HERC6: variants seen among roughly 807,000 people sequenced by gnomAD.
HERC6 encodes the protein probable E3 ubiquitin-protein ligase HERC6.
In HERC6, 101 loss-of-function variants were observed where a neutral mutation model predicts 114.5. That is an observed-to-expected ratio of 0.88 (90% confidence interval 0.75 to 1.04). The LOEUF is 1.04. Among genes scored for constraint, HERC6 ranks in the 50% least tolerant of loss-of-function variants. HERC6 has a pLI of 0.00. For missense variants in HERC6, 1,133 were observed against 1,230.9 expected, an observed-to-expected ratio of 0.92 and a Z score of 1.19; for synonymous variants, 408 against 436.2, an observed-to-expected ratio of 0.94 and a Z score of 0.81.
chr4:88,441,982 T>C (rs920504887), intron 22 of HERC6, among the ~76,000 whole-genome samples: 3 of 152,310 alleles, frequency 2.0e-5, no homozygotes, highest in Non-Finnish European at 2.9e-5. Flanking sequence ...TCATTCTTCC[T>C]AGATGAGCTA....
At chr4:88,408,704 T>A in intron 11 of HERC6, 87 bp downstream of exon 11, 1 of 892,392 alleles carries the variant, frequency 1.1e-6, no homozygotes, top group Non-Finnish European at 1.8e-6. Context: ...GAACTATGAT[T>A]GTAATTGCCC....
At chr4:88,380,689 C>A (rs1734272144) in intron 1 of HERC6, among the ~76,000 whole-genome samples, 1 of 149,682 alleles carries the variant, frequency 6.7e-6, no homozygotes, top group Admixed American at 6.7e-5. Context: ...TGCACTCCAG[C>A]CTGGCAACAG....
At chr4:88,383,057 C>T in intron 1 of HERC6, 164 bp from the exon 2 acceptor site, 1 of 781,262 alleles carries the variant, frequency 1.3e-6, no homozygotes, top group Non-Finnish European at 2.0e-6. Context: ...AATTTACTTC[C>T]TTCAGACATT....
rs765782032 is a variant in HERC6 at position 88,437,720 on chromosome 4, G to C, written c.2494G>C (p.Asp832His). 6.2e-7 allele frequency: 1 copy of C among 1,601,778 alleles called. No individual in the cohort carries two copies. Among genetic ancestry groups the C allele is most frequent in the Non-Finnish European group, 8.5e-7 (1 of 1,173,056 alleles). The part of the protein sequence containing the change: ...ALCIRFSIHW[D>H]QNDVDLIPNG... ...TACATTTTGGTTACAGATACACTGGGACCAAAATGATGTTGACTTAATTCC... is the reference window on the plus strand; with the variant it reads ...TACATTTTGGTTACAGATACACTGGCACCAAAATGATGTTGACTTAATTCC... Residue 832 changes from aspartate (D) to histidine (H), a missense_variant, in exon 20 of 23, where the codon GAC (aspartate) becomes CAC (histidine). Asp to His is a moderately conservative substitution (Grantham distance 81, BLOSUM62 -1). Coordinates refer to ENST00000264346, the MANE Select transcript of HERC6 (RefSeq NM_017912.4).
intron 10 of HERC6, among the ~76,000 whole-genome samples, chr4:88,407,768 T>G (rs1462046153): frequency 6.6e-6 from 1 of 152,164 alleles, no homozygotes. Flanking sequence ...TGCTGGCCTC[T>G]CAAATATCAC....
chr4:88,388,376 C>A (rs1024776305), intron 3 of HERC6, among the ~76,000 whole-genome samples: 1 of 151,962 alleles, frequency 6.6e-6, no homozygotes, highest in Non-Finnish European at 1.5e-5. Context: ...CATGAGGAAA[C>A]CCCGTCTCTA....
Position 88,378,861 on chromosome 4 carries a change from C to A in HERC6, c.-61C>A. ...CATCGCGCACCCAGTCACCAGCGTT[C>A]GGGAGCCTGTCGCAGCGGGACCGAC... On this transcript the variant is annotated 5_prime_UTR_variant, in exon 1 of 23. Transcript: ENST00000264346. 1 of 1,454,392 alleles carries A rather than the reference C, an allele frequency of 6.9e-7. No homozygotes were observed. The highest frequency in any genetic ancestry group is 9.2e-7 in the Non-Finnish European group (1 of 1,084,746). The allele number at this position is 1,454,392 out of a possible 1,614,324, so 90.1% of individuals were successfully genotyped here.
rs549285326 is a variant in HERC6 at position 88,441,024 on chromosome 4, T to C, written c.2842+774T>C. Among the ~76,000 whole-genome samples, 4 of 152,234 alleles carry C rather than the reference T, an allele frequency of 2.6e-5. No homozygotes were observed. The South Asian group carries it at 8.3e-4, about 32-fold the overall frequency. ...GGCTCCCTACCTTCTAGACCAGCAT[T>C]CTTTCTCTTACTCAAGCCTGTTTCT... On this transcript the variant is annotated intron_variant, in intron 22 of 22. Coordinates refer to ENST00000264346, the MANE Select transcript of HERC6 (RefSeq NM_017912.4).
At chr4:88,440,424 G>C (rs577641288) in intron 22 of HERC6, 174 bp downstream of exon 22, 1 of 555,018 alleles carries the variant, frequency 1.8e-6, no homozygotes, top group South Asian at 2.6e-5. Flanking sequence ...GAGGTATAGA[G>C]CAGAAACTTA....
chr4:88,412,705 G>A (rs992519589), intron 11 of HERC6, among the ~76,000 whole-genome samples: 1 of 152,222 alleles, frequency 6.6e-6, no homozygotes, highest in African/African-American at 2.4e-5. Flanking sequence ...TGGATATTGT[G>A]TGAGGGGAAG....
chr4:88,385,591 TG>T lies in HERC6; in HGVS notation c.436+18del. The T allele has an allele frequency of 7.3e-7, 1 of 1,368,122 alleles. No individual in the cohort carries two copies. Among genetic ancestry groups the T allele is most frequent in the Non-Finnish European group, 9.9e-7 (1 of 1,009,508 alleles). 84.7% of individuals were successfully genotyped at this position (1,368,122 alleles called of 1,614,324 possible). On this transcript the variant is annotated intron_variant, in intron 3 of 22. Transcript: ENST00000264346. Reference sequence around the variant, plus strand: ...TTATCAAAAGGTAAGAAACACTTTTTGGATCTGAGTGTGAGTAGGAAGTAAT... The same window carrying T: ...TTATCAAAAGGTAAGAAACACTTTTTGATCTGAGTGTGAGTAGGAAGTAAT...
chr4:88,413,306 GTC>G (rs1310749140), intron 12 of HERC6, 40 bp downstream of exon 12: 1 of 1,487,172 alleles, frequency 6.7e-7, no homozygotes, highest in East Asian at 2.3e-5. Context: ...TCAATATAGA[GTC>G]ACTCTCTGAA....
At chr4:88,409,969 A>T (rs1205117320) in intron 11 of HERC6, among the ~76,000 whole-genome samples, 2 of 152,192 alleles carry the variant, frequency 1.3e-5, no homozygotes, top group African/African-American at 4.8e-5. Flanking sequence ...GTCCAAGACC[A>T]AGGCACCATC....
At chr4:88,437,856 G>C in intron 20 of HERC6, 75 bp downstream of exon 20, 1 of 1,084,066 alleles carries the variant, frequency 9.2e-7, no homozygotes, top group Non-Finnish European at 1.4e-6. Context: ...CTTTTAAAAT[G>C]TATTTTTAAA....
Position 88,417,446 on chromosome 4 carries a change from A to G in HERC6, c.1580A>G (p.Gln527Arg). Residue 527 changes from glutamine to arginine, a missense_variant, in exon 13 of 23, where the codon CAA becomes CGA. Transcript: ENST00000264346. ...CCAGAGAAGTGTTGGGCATTTTTGC[A>G]AGAATCTTCTCTGAATCCGCTGATC... ...QVLKKCWAFL[Q>R]ESSLNPLIQM... 6.2e-7 allele frequency: 1 copy of G among 1,610,186 alleles called. No homozygotes were observed.
chr4:88,383,081 A>G (rs1452545737), intron 1 of HERC6, 140 bp from the exon 2 acceptor site: 1 of 985,738 alleles, frequency 1.0e-6, no homozygotes, highest in African/African-American at 1.6e-5. Context: ...AATGGACTTA[A>G]GGTCTTGATT....
chr4:88,440,066 T>C lies in HERC6; in HGVS notation c.2739+9T>C. Reference sequence around the variant, plus strand: ...GGAAACAGTTTGAACAGGTAGGTGATACCTAAAGTGCCCCAATTTTTCCGA... The same window carrying C: ...GGAAACAGTTTGAACAGGTAGGTGACACCTAAAGTGCCCCAATTTTTCCGA... On this transcript the variant is annotated intron_variant, in intron 21 of 22. Coordinates refer to ENST00000264346, the MANE Select transcript of HERC6 (RefSeq NM_017912.4). 25 of 1,608,824 alleles carry C rather than the reference T, an allele frequency of 1.6e-5. No individual in the cohort carries two copies. Among genetic ancestry groups the C allele is most frequent in the Non-Finnish European group, 2.0e-5 (23 of 1,177,874 alleles).
chr4:88,424,742 A>C (rs751276183), intron 15 of HERC6, 40 bp downstream of exon 15: 4 of 1,201,824 alleles, frequency 3.3e-6, no homozygotes, highest in Non-Finnish European at 3.6e-6. Context: ...AATTTCAAAC[A>C]TATATAAAAT....
rs1739460512 is a variant in HERC6 at position 88,442,744 on chromosome 4, A to G, written c.*284A>G. 1 of 442,890 alleles carries G rather than the reference A, an allele frequency of 2.3e-6. No individual in the cohort carries two copies. Among genetic ancestry groups the G allele is most frequent in the Non-Finnish European group, 4.1e-6 (1 of 241,450 alleles). The allele number at this position is 442,890 out of a possible 1,614,324, so 27.4% of individuals were successfully genotyped here. A position where few individuals can be genotyped will look rare whatever the true frequency, so the allele number is the denominator to read the frequency against. On this transcript the variant is annotated 3_prime_UTR_variant, in exon 23 of 23. Transcript: ENST00000264346. The stretch of plus-strand genomic sequence containing the variant: ...GTGATTGGTCCATTCCAGGACCTTC[A>G]TTTGCATAAGGTATCAAACCACATC...
Sources: gnomAD v4.1 joint callset for allele counts (sites outside exome capture counted in the v4.1 genomes callset) on GRCh38, gnomAD v4.1.1 for gene constraint, MANE v1.5 for transcripts, NCBI Gene and HGNC (gene_info 2026-07-23, HGNC 2026-07-21) for gene names.